ADAM23: variants seen among roughly 807,000 people sequenced by gnomAD.
ADAM23 encodes the protein disintegrin and metalloproteinase domain-containing protein 23.
A neutral mutation model predicts 120.1 loss-of-function variants in ADAM23; 33 were observed. The observed-to-expected ratio is 0.27, with a 90% CI of 0.21 to 0.37. The LOEUF (loss-of-function observed/expected upper bound fraction) is 0.37, where lower values mean the gene tolerates loss of function less well. ADAM23 is among the 10% of genes least tolerant of loss of function. The pLI, the probability that ADAM23 is intolerant of heterozygous loss-of-function variation, is 1.00. For synonymous variants in ADAM23, 367 were observed against 375.2 expected (o/e 0.98, Z 0.25); for missense variants, 862 against 1,058.2 (o/e 0.81, Z 2.57).
intron 3 of ADAM23, among the ~76,000 whole-genome samples, chr2:206,497,378 A>T (rs1696276263): frequency 6.6e-6 from 1 of 152,226 alleles, no homozygotes; most frequent in African/African-American, 2.4e-5. Flanking sequence ...AATCCAGCAT[A>T]TAAACAGAAC....
chr2:206,444,360 A>G (rs1471056236), intron 1 of ADAM23, among the ~76,000 whole-genome samples: 1 of 152,166 alleles, frequency 6.6e-6, no homozygotes, highest in Non-Finnish European at 1.5e-5. Flanking sequence ...TCTCTGTGCA[A>G]CTTGCGGAGG....
intron 21 of ADAM23, 47 bp downstream of exon 21, chr2:206,589,561 T>C (rs1386169656): frequency 1.3e-6 from 2 of 1,508,000 alleles, no homozygotes; most frequent in Admixed American, 3.9e-5. Context: ...TGGAAGCCCT[T>C]CTTATGCAAG....
At chr2:206,544,415 G>C (rs1039599152) in intron 6 of ADAM23, among the ~76,000 whole-genome samples, 1 of 152,060 alleles carries the variant, frequency 6.6e-6, no homozygotes, top group Non-Finnish European at 1.5e-5. Flanking sequence ...ATTGTATTGA[G>C]GGCTTACTAC....
At chr2:206,534,350 A>G (rs1193757174) in intron 4 of ADAM23, among the ~76,000 whole-genome samples, 1 of 152,238 alleles carries the variant, frequency 6.6e-6, no homozygotes, top group Non-Finnish European at 1.5e-5. Flanking sequence ...CATATATTTA[A>G]GGTATGTAAC....
intron 10 of ADAM23, among the ~76,000 whole-genome samples, chr2:206,559,071 A>C (rs71429726): frequency 0.072 from 10,957 of 152,130 alleles, 437 homozygotes; most frequent in Middle Eastern, 0.11. Context: ...CAGCCTCCCG[A>C]GTAGCTGGGA....
chr2:206,608,364 G>C (rs1000785521), intron 24 of ADAM23, among the ~76,000 whole-genome samples: 2 of 152,118 alleles, frequency 1.3e-5, no homozygotes, highest in Non-Finnish European at 2.9e-5. Context: ...AGACAAATCT[G>C]TGTTCACATC....
chr2:206,471,016 A>G (rs149066035), intron 2 of ADAM23, among the ~76,000 whole-genome samples: 2 of 152,338 alleles, frequency 1.3e-5, no homozygotes, highest in South Asian at 2.1e-4. Context: ...TGGAAATATC[A>G]GCTCTGGTAT....
At chr2:206,476,872 A>G (rs182270770) in intron 2 of ADAM23, among the ~76,000 whole-genome samples, 1 of 152,282 alleles carries the variant, frequency 6.6e-6, no homozygotes, top group East Asian at 1.9e-4. Context: ...AGTTCCAGTT[A>G]TGGGTACGCT....
In ADAM23 at chr2:206,570,740, C is replaced by T. The variant is rs760932299; in HGVS notation, c.1495C>T (p.Leu499=). The T allele has an allele frequency of 8.7e-6, 14 of 1,613,416 alleles. No homozygotes were observed. The highest frequency in any genetic ancestry group is 1.3e-5 in the African/African-American group (1 of 74,894). The stretch of plus-strand genomic sequence containing the variant: ...TCCCTTCTGTCCCTAATCTCTTTAG[C>T]TATTTGAGCCCACGGAATGTGGAAA... The part of the protein sequence containing the change: ...GACLFNRPTK[L]FEPTECGNGY... The change falls in exon 16 of 26, where the codon CTA becomes TTA. Residue 499 remains leucine (L), a splice_region_variant and synonymous_variant. Coordinates refer to ENST00000264377, the MANE Select transcript of ADAM23 (RefSeq NM_003812.4).
chr2:206,449,155 A>G (rs181043150), intron 2 of ADAM23, among the ~76,000 whole-genome samples: 158 of 152,342 alleles, frequency 1.0e-3, no homozygotes, highest in Non-Finnish European at 1.6e-4. Flanking sequence ...AAACCCTCCC[A>G]TACGTCAGAT....
At chr2:206,483,593 G>A (rs181832315) in intron 3 of ADAM23, among the ~76,000 whole-genome samples, 1 of 152,142 alleles carries the variant, frequency 6.6e-6, no homozygotes, top group East Asian at 1.9e-4. Context: ...TTGAGAAGGA[G>A]TGATTGGAGA....
chr2:206,458,507 C>T (rs1451451025), intron 2 of ADAM23, among the ~76,000 whole-genome samples: 2 of 152,206 alleles, frequency 1.3e-5, no homozygotes, highest in Non-Finnish European at 2.9e-5. Flanking sequence ...CATGATGTCT[C>T]AGAGGCTGCA....
chr2:206,472,899 A>G (rs950151368), intron 2 of ADAM23, among the ~76,000 whole-genome samples: 1 of 152,156 alleles, frequency 6.6e-6, no homozygotes, highest in African/African-American at 2.4e-5. Context: ...TTTAAGTAGG[A>G]GATGTTCATC....
At chr2:206,565,194 G>C (rs372263615) in intron 14 of ADAM23, 126 bp downstream of exon 14, 7 of 752,096 alleles carry the variant, frequency 9.3e-6, no homozygotes, top group Non-Finnish European at 1.5e-5. Context: ...ATAATTAATT[G>C]TCTGATATTT....
At chr2:206,475,637 T>A (rs60868756) in intron 2 of ADAM23, among the ~76,000 whole-genome samples, 19,278 of 151,772 alleles carry the variant, frequency 0.13, 1,681 homozygotes, top group African/African-American at 0.23. Flanking sequence ...AAGTGGACTC[T>A]TGTTCTCAGC....
At chr2:206,497,573 T>A (rs1696281807) in intron 3 of ADAM23, among the ~76,000 whole-genome samples, 1 of 152,140 alleles carries the variant, frequency 6.6e-6, no homozygotes, top group African/African-American at 2.4e-5. Context: ...ACTGGAAGCA[T>A]TCCCTTTGAA....
intron 3 of ADAM23, among the ~76,000 whole-genome samples, chr2:206,502,016 A>G (rs559542812): frequency 6.6e-6 from 1 of 152,176 alleles, no homozygotes; most frequent in Non-Finnish European, 1.5e-5. Flanking sequence ...GATGCCAAAA[A>G]TTAATTTGTA....
intron 2 of ADAM23, among the ~76,000 whole-genome samples, chr2:206,461,219 A>C (rs1470838243): frequency 1.3e-5 from 2 of 150,672 alleles, no homozygotes; most frequent in African/African-American, 2.4e-5. Flanking sequence ...CCACCACCAC[A>C]CCTGGCTAAT....
At chr2:206,524,169 T>C (rs764928505) in intron 3 of ADAM23, among the ~76,000 whole-genome samples, 7 of 152,206 alleles carry the variant, frequency 4.6e-5, no homozygotes, top group Admixed American at 2.0e-4. Context: ...TTTCTAGATA[T>C]CATTTAATTT....
Sources: gnomAD v4.1 joint callset for allele counts (sites outside exome capture counted in the v4.1 genomes callset) on GRCh38, gnomAD v4.1.1 for gene constraint, MANE v1.5 for transcripts, NCBI Gene and HGNC (gene_info 2026-07-23, HGNC 2026-07-21) for gene names.